Variants in TAFA4 observed in about 807,000 individuals in gnomAD.
The protein encoded by TAFA4 is chemokine-like protein TAFA-4.
In TAFA4, 20 loss-of-function variants were observed where a neutral mutation model predicts 21.1. That is an observed-to-expected ratio of 0.95 (90% CI 0.67 to 1.38). TAFA4 has a LOEUF of 1.38. TAFA4 is among the 40% of genes most tolerant of loss of function. The pLI, the probability that TAFA4 is intolerant of heterozygous loss-of-function variation, is 0.00. For missense variants in TAFA4, 211 were observed against 180.9 expected, an observed-to-expected ratio of 1.17 and a Z score of -0.95; for synonymous variants, 71 against 67.4, an observed-to-expected ratio of 1.05 and a Z score of -0.26.
At position 68,732,277 on chromosome 3, in the gene TAFA4, A is replaced by AATCT. The variant is rs568165011; in HGVS notation, c.*861_*864dup. The AATCT allele has an allele frequency of 4.7e-4, 72 of 152,736 alleles. No homozygotes were observed. The highest frequency in any genetic ancestry group is 8.2e-4 in the Non-Finnish European group (56 of 68,016). The allele number at this position is 152,736 out of a possible 1,614,324, so 9.5% of individuals were successfully genotyped here. ...TGAAAGACTCCTGTCTCGGAGTTAA[A>AATCT]ATCTTTTCATATAATTGGCATAAAT... On this transcript the variant is annotated 3_prime_UTR_variant, in exon 6 of 6. Coordinates refer to ENST00000295569, the MANE Select transcript of TAFA4 (RefSeq NM_182522.5).
At chr3:68,825,143 A>G (rs1704199353) in intron 3 of TAFA4, among the ~76,000 whole-genome samples, 1 of 152,098 alleles carries the variant, frequency 6.6e-6, no homozygotes, top group Non-Finnish European at 1.5e-5. Flanking sequence ...GCTGCCTCAC[A>G]GGCCCCAGCA....
intron 3 of TAFA4, among the ~76,000 whole-genome samples, chr3:68,806,492 C>A (rs186476580): frequency 1.3e-5 from 2 of 152,238 alleles, no homozygotes; most frequent in Admixed American, 6.5e-5. Context: ...AGTTTTTACC[C>A]TAACTCTTTT....
At chr3:68,864,033 T>C (rs1231706041) in intron 3 of TAFA4, among the ~76,000 whole-genome samples, 1 of 151,524 alleles carries the variant, frequency 6.6e-6, no homozygotes, top group Non-Finnish European at 1.5e-5. Context: ...ACCTGTGTGA[T>C]CTCGGATTGG....
intron 1 of TAFA4, among the ~76,000 whole-genome samples, chr3:68,896,167 G>A (rs2101547): frequency 0.18 from 27,379 of 152,074 alleles, 3,113 homozygotes; most frequent in East Asian, 0.5. Context: ...TGGCAGAGAG[G>A]TATCCAGGGA....
intron 1 of TAFA4, among the ~76,000 whole-genome samples, chr3:68,923,394 C>T (rs2090077938): frequency 6.6e-6 from 1 of 152,132 alleles, no homozygotes; most frequent in Non-Finnish European, 1.5e-5. Context: ...CGTCCTCTGC[C>T]TACTGTCTCT....
intron 3 of TAFA4, among the ~76,000 whole-genome samples, chr3:68,829,820 A>C (rs986641687): frequency 2.0e-5 from 3 of 152,022 alleles, no homozygotes; most frequent in African/African-American, 7.2e-5. Flanking sequence ...CCGGTCCTGG[A>C]CTTTTTTTGG....
intron 3 of TAFA4, among the ~76,000 whole-genome samples, chr3:68,827,143 T>C (rs1704258911): frequency 6.6e-6 from 1 of 151,950 alleles, no homozygotes; most frequent in Admixed American, 6.6e-5. Context: ...GTGTTTGGTT[T>C]TCTGTCCTTG....
chr3:68,875,584 A>C (rs1007337707), intron 3 of TAFA4, among the ~76,000 whole-genome samples: 7 of 152,202 alleles, frequency 4.6e-5, no homozygotes, highest in Admixed American at 6.5e-5. Flanking sequence ...TGGAAGTGGG[A>C]CAGGAAGAAG....
At chr3:68,866,960 A>G (rs1049458974) in intron 3 of TAFA4, among the ~76,000 whole-genome samples, 1 of 152,044 alleles carries the variant, frequency 6.6e-6, no homozygotes, top group African/African-American at 2.4e-5. Flanking sequence ...TCTAAGAATC[A>G]CTGGTGTCTA....
chr3:68,868,580 G>C (rs1051262961), intron 3 of TAFA4, among the ~76,000 whole-genome samples: 3 of 151,828 alleles, frequency 2.0e-5, no homozygotes, highest in African/African-American at 7.3e-5. Context: ...AATAAACGTA[G>C]AAATCAGTAA....
At chr3:68,824,685 T>A (rs956787926) in intron 3 of TAFA4, among the ~76,000 whole-genome samples, 1 of 152,160 alleles carries the variant, frequency 6.6e-6, no homozygotes, top group African/African-American at 2.4e-5. Context: ...TACCAGAAAT[T>A]CAGCTTTATG....
chr3:68,735,557 G>GT (rs1258382947), intron 5 of TAFA4, among the ~76,000 whole-genome samples: 8 of 152,014 alleles, frequency 5.3e-5, no homozygotes, highest in Non-Finnish European at 8.8e-5. Flanking sequence ...TCAAAACTGT[G>GT]TTTTTTACAC....
At chr3:68,926,402 G>C (rs993152508) in intron 1 of TAFA4, among the ~76,000 whole-genome samples, 1 of 151,918 alleles carries the variant, frequency 6.6e-6, no homozygotes, top group Non-Finnish European at 1.5e-5. Flanking sequence ...TTCTACCCCA[G>C]GTATGTACTA....
chr3:68,874,700 C>G (rs949749566), intron 3 of TAFA4, among the ~76,000 whole-genome samples: 2 of 152,088 alleles, frequency 1.3e-5, no homozygotes, highest in African/African-American at 2.4e-5. Flanking sequence ...GGTGAAAAAG[C>G]CTACTCTGCC....
chr3:68,796,764 T>C (rs187745914), intron 3 of TAFA4, among the ~76,000 whole-genome samples: 82 of 152,184 alleles, frequency 5.4e-4, no homozygotes, highest in Middle Eastern at 3.4e-3. Context: ...CCAGAATATA[T>C]AAAGAATCCC....
At position 68,739,203 on chromosome 3, in the gene TAFA4, G is replaced by A. The variant is rs1702300692; in HGVS notation, c.287-4C>T. On this transcript the variant is annotated splice_polypyrimidine_tract_variant and splice_region_variant and intron_variant, in intron 4 of 5. Coordinates refer to ENST00000295569, the MANE Select transcript of TAFA4 (RefSeq NM_182522.5). ...CATTTCTGAATCACAATGGAAGCTG[G>A]AAAACAAAGGCCAAATAATATTTGT... 1 of 1,613,134 alleles carries A rather than the reference G, an allele frequency of 6.2e-7. No homozygotes were observed. The highest frequency in any genetic ancestry group is 1.3e-5 in the African/African-American group (1 of 74,834).
At chr3:68,880,901 G>T in intron 2 of TAFA4, 56 bp from the exon 3 acceptor site, 1 of 1,406,016 alleles carries the variant, frequency 7.1e-7, no homozygotes, top group Non-Finnish European at 1.0e-6. Flanking sequence ...AGACTCCCTG[G>T]CAAGCACCAT....
chr3:68,894,418 C>T (rs2089764116), intron 1 of TAFA4, among the ~76,000 whole-genome samples: 1 of 152,146 alleles, frequency 6.6e-6, no homozygotes, highest in South Asian at 2.1e-4. Context: ...CCTTGGGCTC[C>T]CAAAGTACTG....
At chr3:68,790,957 G>A (rs1178146562) in intron 3 of TAFA4, among the ~76,000 whole-genome samples, 1 of 152,180 alleles carries the variant, frequency 6.6e-6, no homozygotes, top group Non-Finnish European at 1.5e-5. Flanking sequence ...AAACGTGGAT[G>A]GATGCAAACT....
Sources: allele counts gnomAD v4.1 joint callset (sites outside exome capture counted in the v4.1 genomes callset), GRCh38; gene constraint gnomAD v4.1.1; transcripts MANE v1.5; gene names NCBI Gene and HGNC (gene_info 2026-07-23, HGNC 2026-07-21).